The following ADCY8 variants were observed in gnomAD, a reference collection of about 807,000 sequenced individuals.
ADCY8 encodes adenylate cyclase 8, also known as adenylate cyclase type 8.
In ADCY8, 51 loss-of-function variants were observed where a neutral mutation model predicts 119.7. The observed-to-expected ratio is 0.43, with a 90% CI of 0.34 to 0.54. The LOEUF is 0.54. Ranked by LOEUF, ADCY8 falls within the 20% of genes least tolerant of loss-of-function variation. ADCY8 has a pLI of 0.03. For missense variants in ADCY8, 1,383 were observed against 1,598.8 expected (o/e 0.87, Z 2.30); for synonymous variants, 665 against 651.0 (o/e 1.02, Z -0.33).
chr8:131,025,560 G>T (rs530905943), intron 1 of ADCY8, among the ~76,000 whole-genome samples: 2 of 152,326 alleles, frequency 1.3e-5, no homozygotes, highest in African/African-American at 4.8e-5. Context: ...GACAGACCCT[G>T]CTCTCAAAGA....
intron 8 of ADCY8, among the ~76,000 whole-genome samples, chr8:130,875,112 C>T (rs1391441177): frequency 6.6e-6 from 1 of 152,096 alleles, no homozygotes; most frequent in African/African-American, 2.4e-5. Flanking sequence ...TTAAAAAATA[C>T]ACACGAAATG....
intron 5 of ADCY8, among the ~76,000 whole-genome samples, chr8:130,933,910 A>G (rs1299493125): frequency 6.6e-6 from 1 of 152,228 alleles, no homozygotes; most frequent in Non-Finnish European, 1.5e-5. Flanking sequence ...ATGTGGCTAT[A>G]AATCACAGAT....
intron 14 of ADCY8, among the ~76,000 whole-genome samples, chr8:130,801,789 C>T (rs770256190): frequency 3.3e-5 from 5 of 152,126 alleles, no homozygotes; most frequent in Non-Finnish European, 5.9e-5. Context: ...TCCTGCTGGA[C>T]ACCTGCAGAT....
At chr8:131,009,074 C>A (rs1449471201) in intron 1 of ADCY8, among the ~76,000 whole-genome samples, 1 of 152,144 alleles carries the variant, frequency 6.6e-6, no homozygotes, top group Non-Finnish European at 1.5e-5. Flanking sequence ...AAGAAAAATC[C>A]ATTTTCTGGA....
chr8:130,843,991 A>C (rs925399362), intron 11 of ADCY8, among the ~76,000 whole-genome samples: 3 of 152,170 alleles, frequency 2.0e-5, no homozygotes, highest in Admixed American at 2.0e-4. Context: ...ACCTGAATAA[A>C]TGGAGAAGAA....
chr8:131,009,072 T>G (rs1823215878), intron 1 of ADCY8, among the ~76,000 whole-genome samples: 1 of 152,052 alleles, frequency 6.6e-6, no homozygotes, highest in Non-Finnish European at 1.5e-5. Context: ...GAAAGAAAAA[T>G]CCATTTTCTG....
At chr8:130,940,742 G>C (rs1349862150) in intron 4 of ADCY8, among the ~76,000 whole-genome samples, 1 of 152,152 alleles carries the variant, frequency 6.6e-6, no homozygotes, top group Non-Finnish European at 1.5e-5. Context: ...AAATAAAGTA[G>C]GGTGAGGATC....
At position 131,040,619 on chromosome 8, in the gene ADCY8, G is replaced by C. The variant is rs1824364066; in HGVS notation, c.-286C>G. 1 of 316,622 alleles carries C rather than the reference G, an allele frequency of 3.2e-6. No individual in the cohort carries two copies. The highest frequency in any genetic ancestry group is 1.4e-4 in the South Asian group (1 of 7,216). The allele number at this position is 316,622 out of a possible 1,614,324, so 19.6% of individuals were successfully genotyped here. On this transcript the variant is annotated 5_prime_UTR_variant, in exon 1 of 18. Coordinates refer to ENST00000286355, the MANE Select transcript of ADCY8 (RefSeq NM_001115.3). Reference sequence around the variant, plus strand: ...CAGCGGCAGTGGCTATTTGTCCTCAGGAGCCGCAGCGCTGTGAGCCACGCA... The same window carrying C: ...CAGCGGCAGTGGCTATTTGTCCTCACGAGCCGCAGCGCTGTGAGCCACGCA...
At position 131,040,059 on chromosome 8, in the gene ADCY8, T is replaced by A. The variant is rs999968249; in HGVS notation, c.275A>T (p.Tyr92Phe). 1.1e-5 allele frequency: 17 copies of A among 1,543,986 alleles called. No homozygotes were observed. Among genetic ancestry groups the A allele is most frequent in the Middle Eastern group, 4.2e-4 (2 of 4,768 alleles). The part of the protein sequence containing the change: ...QLSGDSALPL[Y>F]SLGPGERAHS... The stretch of plus-strand genomic sequence containing the variant: ...CGCTCGCTCTCCCGGGCCCAGCGAG[T>A]AGAGGGGCAGCGCCGAGTCGCCTGA... Residue 92 changes from tyrosine (Y) to phenylalanine (F), a missense_variant, in exon 1 of 18, where the codon TAC becomes TTC. Tyr to Phe is a conservative substitution (Grantham distance 22). Around this residue, in one of 2 missense-constraint regions of ADCY8, gnomAD observed 455 missense variants for 435.3 expected, o/e 1.05. Coordinates refer to ENST00000286355, the MANE Select transcript of ADCY8 (RefSeq NM_001115.3).
intron 15 of ADCY8, among the ~76,000 whole-genome samples, chr8:130,789,315 C>A (rs1389905405): frequency 2.0e-5 from 3 of 152,138 alleles, no homozygotes; most frequent in Non-Finnish European, 2.9e-5. Context: ...AAGCATGTAT[C>A]CCTGTGCCTG....
intron 1 of ADCY8, among the ~76,000 whole-genome samples, chr8:130,991,247 A>G (rs1424347911): frequency 6.6e-6 from 1 of 152,182 alleles, no homozygotes; most frequent in Non-Finnish European, 1.5e-5. Flanking sequence ...CAAAGTATGA[A>G]TTTCTTTATT....
At chr8:130,973,740 C>T (rs550992522) in intron 2 of ADCY8, among the ~76,000 whole-genome samples, 8 of 152,318 alleles carry the variant, frequency 5.3e-5, no homozygotes, top group Admixed American at 2.6e-4. Flanking sequence ...GGAGGGCTAA[C>T]GGCTTCTGAG....
chr8:130,871,699 A>G (rs1040661964), intron 8 of ADCY8, among the ~76,000 whole-genome samples: 2 of 152,182 alleles, frequency 1.3e-5, no homozygotes, highest in Admixed American at 1.3e-4. Flanking sequence ...CGGTGACCCC[A>G]AAAGTGTTGA....
At chr8:130,890,247 T>C (rs897776857) in intron 7 of ADCY8, among the ~76,000 whole-genome samples, 3 of 151,900 alleles carry the variant, frequency 2.0e-5, no homozygotes, top group Non-Finnish European at 4.4e-5. Context: ...ATATACCTAA[T>C]GTAAATGACG....
intron 9 of ADCY8, among the ~76,000 whole-genome samples, chr8:130,854,223 A>G (rs1215781038): frequency 6.6e-6 from 1 of 152,210 alleles, no homozygotes; most frequent in Non-Finnish European, 1.5e-5. Context: ...AGGGGTTCTG[A>G]ATTTGCTTTT....
At chr8:131,038,878 A>G (rs1296031300) in intron 1 of ADCY8, among the ~76,000 whole-genome samples, 2 of 152,210 alleles carry the variant, frequency 1.3e-5, no homozygotes, top group Non-Finnish European at 2.9e-5. Flanking sequence ...GACAATCAGT[A>G]TGTGTTTAAC....
At chr8:130,963,464 C>T (rs1250494416) in intron 2 of ADCY8, among the ~76,000 whole-genome samples, 1 of 152,142 alleles carries the variant, frequency 6.6e-6, no homozygotes. Flanking sequence ...GGTATGCTGT[C>T]TTTTATTAAA....
intron 3 of ADCY8, among the ~76,000 whole-genome samples, chr8:130,945,314 A>C (rs1000205390): frequency 1.3e-5 from 2 of 152,258 alleles, no homozygotes; most frequent in Admixed American, 6.5e-5. Context: ...AAGCATGGAC[A>C]TGATGCCAAT....
At chr8:130,958,843 T>G in intron 2 of ADCY8, among the ~76,000 whole-genome samples, 1 of 152,336 alleles carries the variant, frequency 6.6e-6, no homozygotes, top group South Asian at 2.1e-4. Context: ...GGACTCAATA[T>G]TTTTTAATTT....
Sources: gnomAD v4.1 joint callset for allele counts (sites outside exome capture counted in the v4.1 genomes callset) on GRCh38, gnomAD v4.1.1 for gene constraint, gnomAD v4.1.1 regional missense constraint, MANE v1.5 for transcripts, NCBI Gene and HGNC (gene_info 2026-07-23, HGNC 2026-07-21) for gene names.